Variants in NETO2 observed in about 807,000 individuals in gnomAD.
NETO2 encodes neuropilin and tolloid like 2, also known as neuropilin and tolloid-like protein 2.
In NETO2, 28 loss-of-function variants were observed where a neutral mutation model predicts 62.5. The ratio of observed to expected loss-of-function variants is 0.45; its 90% confidence interval spans 0.33 to 0.61. The LOEUF is 0.61. NETO2 is among the 20% of genes least tolerant of loss of function. The probability of loss-of-function intolerance (pLI) is 0.02; values close to 1 mark genes in which losing one functional copy is unlikely to be tolerated. For synonymous variants in NETO2, 214 were observed against 219.1 expected (o/e 0.98, Z 0.21); for missense variants, 548 against 643.2 (o/e 0.85, Z 1.60).
chr16:47,120,721 T>C (rs1462541345), intron 6 of NETO2, among the ~76,000 whole-genome samples: 1 of 152,204 alleles, frequency 6.6e-6, no homozygotes, highest in Non-Finnish European at 1.5e-5. Context: ...AGGCTTCTAT[T>C]TTGCTATTGA....
intron 7 of NETO2, among the ~76,000 whole-genome samples, chr16:47,099,743 C>T (rs779894906): frequency 1.2e-4 from 18 of 151,840 alleles, no homozygotes; most frequent in South Asian, 2.1e-4. Context: ...AAGGGATCAA[C>T]GCAACAAGAG....
At chr16:47,129,925 G>C (rs1964231359) in intron 2 of NETO2, among the ~76,000 whole-genome samples, 1 of 152,216 alleles carries the variant, frequency 6.6e-6, no homozygotes, top group Non-Finnish European at 1.5e-5. Context: ...AGGAAGTGGG[G>C]TTGGGGGTGG....
intron 6 of NETO2, among the ~76,000 whole-genome samples, chr16:47,115,319 C>A (rs891312993): frequency 7.7e-6 from 1 of 129,242 alleles, no homozygotes; most frequent in South Asian, 2.5e-4. Flanking sequence ...AGATCATTTT[C>A]ATAAGAACTG....
At chr16:47,100,270 G>C (rs941583239) in intron 7 of NETO2, among the ~76,000 whole-genome samples, 7 of 152,034 alleles carry the variant, frequency 4.6e-5, no homozygotes, top group African/African-American at 1.7e-4. Context: ...AATGAGAACA[G>C]ATACAACGTA....
Position 47,129,298 on chromosome 16 carries a change from T to G in NETO2, c.158A>C (p.Asn53Thr), listed in dbSNP as rs369674880. 26 of 1,613,946 alleles carry G rather than the reference T, an allele frequency of 1.6e-5. No homozygotes were observed. The highest frequency in any genetic ancestry group is 2.7e-5 in the African/African-American group (2 of 74,932). ...ATTTGGCGAAGCAAAATGACCTCCA[T>G]TGCTGGTTCGAACCCAAATGCCACA... ...TQCGIWVRTS[N>T]GGHFASPNYP... The change falls in exon 3 of 9, where the codon AAT (asparagine) becomes ACT (threonine). Residue 53 changes from asparagine to threonine, a missense_variant. By Grantham distance (65) the Asn-to-Thr change is moderately conservative (BLOSUM62 0). Coordinates refer to ENST00000562435, the MANE Select transcript of NETO2 (RefSeq NM_018092.5).
chr16:47,122,272 T>C (rs1001989134), intron 6 of NETO2, among the ~76,000 whole-genome samples: 2 of 152,172 alleles, frequency 1.3e-5, no homozygotes, highest in Non-Finnish European at 2.9e-5. Context: ...CGACCAACTC[T>C]GTAACTTTTG....
In NETO2 at chr16:47,143,573, C is replaced by A; in HGVS notation, c.34+6G>T. The A allele has an allele frequency of 8.2e-7, 1 of 1,223,868 alleles. No individual in the cohort carries two copies. Among genetic ancestry groups the A allele is most frequent in the South Asian group, 4.1e-5 (1 of 24,474 alleles). The allele number at this position is 1,223,868 out of a possible 1,614,324, so 75.8% of individuals were successfully genotyped here. A position where few individuals can be genotyped will look rare whatever the true frequency, so the allele number is the denominator to read the frequency against. On this transcript the variant is annotated splice_donor_region_variant and intron_variant, in intron 1 of 8. Transcript: ENST00000562435. ...CGCCGTCCGTGGCCCCAGCCCCGGT[C>A]CTTACCTTTGAGGACCGAGCAGAGC...
intron 6 of NETO2, among the ~76,000 whole-genome samples, chr16:47,119,692 T>G (rs1030760159): frequency 1.3e-5 from 2 of 152,230 alleles, no homozygotes; most frequent in Non-Finnish European, 2.9e-5. Context: ...GCAGTTTTTT[T>G]AAATGTAGTA....
At chr16:47,109,418 G>A in intron 7 of NETO2, 65 bp downstream of exon 7, 3 of 1,081,962 alleles carry the variant, frequency 2.8e-6, no homozygotes, top group Non-Finnish European at 4.1e-6. Context: ...AGTAAATGCT[G>A]AGTGTACTGT....
chr16:47,110,222 A>G (rs746123492), intron 6 of NETO2, among the ~76,000 whole-genome samples: 6 of 152,158 alleles, frequency 3.9e-5, no homozygotes, highest in Non-Finnish European at 7.3e-5. Context: ...ATGTCCTATT[A>G]TTTATTTACA....
chr16:47,115,986 A>C (rs995537910), intron 6 of NETO2, among the ~76,000 whole-genome samples: 13 of 151,862 alleles, frequency 8.6e-5, no homozygotes, highest in Non-Finnish European at 1.5e-4. Flanking sequence ...GATATCTTCA[A>C]AAAGATTGAT....
chr16:47,115,055 T>C (rs1205277680), intron 6 of NETO2, among the ~76,000 whole-genome samples: 1 of 152,194 alleles, frequency 6.6e-6, no homozygotes, highest in East Asian at 1.9e-4. Context: ...ACAAATCATA[T>C]TTGCAGAAAT....
chr16:47,084,697 T>C (rs534784185), intron 8 of NETO2, among the ~76,000 whole-genome samples: 1 of 152,294 alleles, frequency 6.6e-6, no homozygotes, highest in African/African-American at 2.4e-5. Flanking sequence ...CAGCTTATTA[T>C]TTTCCCATTC....
intron 4 of NETO2, among the ~76,000 whole-genome samples, chr16:47,124,896 C>G (rs760997311): frequency 6.6e-6 from 1 of 152,156 alleles, no homozygotes; most frequent in Non-Finnish European, 1.5e-5. Flanking sequence ...GTGATAAACT[C>G]TAGAAATCCT....
At chr16:47,111,500 A>G (rs1963801182) in intron 6 of NETO2, among the ~76,000 whole-genome samples, 1 of 152,250 alleles carries the variant, frequency 6.6e-6, no homozygotes, top group Non-Finnish European at 1.5e-5. Flanking sequence ...TGAATCTGAC[A>G]AATTGCAATG....
chr16:47,134,215 G>A (rs1964325821), intron 1 of NETO2, among the ~76,000 whole-genome samples: 1 of 152,118 alleles, frequency 6.6e-6, no homozygotes, highest in Non-Finnish European at 1.5e-5. Flanking sequence ...GGTAGCTCTT[G>A]TTATTCAGTT....
chr16:47,082,966 T>G lies in NETO2; in HGVS notation c.*255A>C. 5.2e-6 allele frequency: 2 copies of G among 383,530 alleles called. No individual in the cohort carries two copies. The highest frequency in any genetic ancestry group is 9.3e-6 in the Non-Finnish European group (2 of 215,646). 23.8% of individuals were successfully genotyped at this position (383,530 alleles called of 1,614,324 possible). Reference sequence around the variant, plus strand: ...ACCACCTCTTCTAATGCTCTTTAACTGGCAGTGCTTCCTATAAATGACACC... The same window carrying G: ...ACCACCTCTTCTAATGCTCTTTAACGGGCAGTGCTTCCTATAAATGACACC... On this transcript the variant is annotated 3_prime_UTR_variant, in exon 9 of 9. Coordinates refer to ENST00000562435, the MANE Select transcript of NETO2 (RefSeq NM_018092.5).
chr16:47,106,187 A>C (rs1963669638), intron 7 of NETO2, among the ~76,000 whole-genome samples: 1 of 152,240 alleles, frequency 6.6e-6, no homozygotes, highest in Non-Finnish European at 1.5e-5. Flanking sequence ...CATTATGCTA[A>C]GTGAAATAAG....
intron 6 of NETO2, among the ~76,000 whole-genome samples, chr16:47,116,399 T>C (rs958279777): frequency 6.6e-6 from 1 of 152,196 alleles, no homozygotes; most frequent in Non-Finnish European, 1.5e-5. Context: ...ATGGAGACAA[T>C]CATAGTTTTC....
Sources: allele counts gnomAD v4.1 joint callset (sites outside exome capture counted in the v4.1 genomes callset), GRCh38; gene constraint gnomAD v4.1.1; transcripts MANE v1.5; gene names NCBI Gene and HGNC (gene_info 2026-07-23, HGNC 2026-07-21).